The following SDK2 variants were observed in gnomAD, a reference collection of about 807,000 sequenced individuals.
SDK2 encodes protein sidekick-2.
Under a neutral mutation model 253.9 loss-of-function variants are expected in SDK2, and 105 were observed. That is an observed-to-expected ratio of 0.41 (90% confidence interval 0.35 to 0.49). SDK2 has a LOEUF of 0.49. SDK2 is among the 20% of genes least tolerant of loss of function. The pLI is 0.06. For synonymous variants in SDK2, 1,249 were observed against 1,234.9 expected (o/e 1.01, Z -0.24); for missense variants, 2,608 against 3,003.0 (o/e 0.87, Z 3.07).
chr17:73,549,389 A>C (rs904477570), intron 1 of SDK2, among the ~76,000 whole-genome samples: 6 of 152,018 alleles, frequency 3.9e-5, no homozygotes, highest in Non-Finnish European at 8.8e-5. Context: ...CTTGTACCTG[A>C]TTAATTAATT....
At chr17:73,560,732 C>T (rs1055938931) in intron 1 of SDK2, among the ~76,000 whole-genome samples, 1 of 152,200 alleles carries the variant, frequency 6.6e-6, no homozygotes, top group Non-Finnish European at 1.5e-5. Flanking sequence ...CTTCAAAATC[C>T]AAGCACCCGC....
intron 44 of SDK2, among the ~76,000 whole-genome samples, chr17:73,347,561 G>A (rs73343824): frequency 0.014 from 2,208 of 152,304 alleles, 36 homozygotes; most frequent in African/African-American, 0.044. Context: ...GGCCCACAGC[G>A]TGATCCCAGG....
rs931381610 is a variant in SDK2 at position 73,335,748 on chromosome 17, C to T, written c.*2839G>A. 1 of 152,244 alleles carries T rather than the reference C, an allele frequency of 6.6e-6. No individual in the cohort carries two copies. The highest frequency in any genetic ancestry group is 2.4e-5 in the African/African-American group (1 of 41,438). 9.4% of individuals were successfully genotyped at this position (152,244 alleles called of 1,614,324 possible). On this transcript the variant is annotated 3_prime_UTR_variant, in exon 45 of 45. Coordinates refer to ENST00000392650, the MANE Select transcript of SDK2 (RefSeq NM_001144952.2). ...TCAGACAATAGATCCCAGCCACGCC[C>T]CAAGTGCAAGCAACCCAGGCCACCT...
intron 18 of SDK2, among the ~76,000 whole-genome samples, chr17:73,403,829 T>A (rs2063048862): frequency 6.6e-6 from 1 of 152,216 alleles, no homozygotes. Flanking sequence ...ATCCTCCGTA[T>A]TTCGATTATC....
intron 5 of SDK2, among the ~76,000 whole-genome samples, chr17:73,446,884 G>A (rs2063456737): frequency 6.6e-6 from 1 of 152,082 alleles, no homozygotes; most frequent in Non-Finnish European, 1.5e-5. Flanking sequence ...ATGGAGGGAG[G>A]GGCTCGTCCA....
At chr17:73,513,163 AC>A (rs1368577860) in intron 1 of SDK2, among the ~76,000 whole-genome samples, 1 of 152,134 alleles carries the variant, frequency 6.6e-6, no homozygotes, top group African/African-American at 2.4e-5. Flanking sequence ...ACCCTCATAA[AC>A]AAAAAGAAGT....
chr17:73,469,345 G>T (rs564899066), intron 3 of SDK2, among the ~76,000 whole-genome samples: 1 of 152,162 alleles, frequency 6.6e-6, no homozygotes, highest in African/African-American at 2.4e-5. Flanking sequence ...CTTGGAACCC[G>T]CAGTGTGGGG....
At chr17:73,433,553 T>C (rs944345648) in intron 10 of SDK2, among the ~76,000 whole-genome samples, 179 bp downstream of exon 10, 4 of 152,082 alleles carry the variant, frequency 2.6e-5, no homozygotes, top group African/African-American at 9.7e-5. Flanking sequence ...CCTCCCAAGA[T>C]GCTGGGATTA....
chr17:73,627,151 G>A (rs62063637), intron 1 of SDK2, among the ~76,000 whole-genome samples: 1,599 of 152,298 alleles, frequency 0.01, 13 homozygotes, highest in Non-Finnish European at 0.018. Flanking sequence ...GATTCGATGT[G>A]TTAATACATG....
intron 1 of SDK2, among the ~76,000 whole-genome samples, chr17:73,624,028 GGGCCTCCTCAACCTCCA>G (rs533810864): frequency 8.9e-4 from 136 of 152,314 alleles, no homozygotes; most frequent in African/African-American, 3.1e-3. Context: ...TCAGCCTGCT[GGGCCTCCTCAACCTCCA>G]GGCTCCCTCC....
intron 3 of SDK2, among the ~76,000 whole-genome samples, chr17:73,457,106 C>T (rs192856941): frequency 7.9e-5 from 12 of 152,272 alleles, no homozygotes; most frequent in African/African-American, 2.4e-4. Flanking sequence ...GACTGTGTGT[C>T]GGAACCACCT....
rs2063609767 is a variant in SDK2, at chr17:73,467,397, A to G, written c.331+4715T>C. On this transcript the variant is annotated intron_variant, in intron 3 of 44. Transcript: ENST00000392650. The surrounding 1 kb of genome is among the most constrained non-coding windows in gnomAD (Gnocchi z 4.1). ...CACCCGGCCGAGCCTCGGTTTCCTC[A>G]TCTGTAACATGGAGATGGGGACTTG... Among the ~76,000 whole-genome samples, 1 of 152,086 alleles carries G rather than the reference A, an allele frequency of 6.6e-6. No individual in the cohort carries two copies. The highest frequency in any genetic ancestry group is 1.5e-5 in the Non-Finnish European group (1 of 68,016).
At chr17:73,531,081 C>T (rs1046567492) in intron 1 of SDK2, among the ~76,000 whole-genome samples, 2 of 152,126 alleles carry the variant, frequency 1.3e-5, no homozygotes, top group Non-Finnish European at 2.9e-5. Context: ...TTGATGTTTC[C>T]AGCTTTCTGC....
At chr17:73,577,498 G>A (rs2045473116) in intron 1 of SDK2, among the ~76,000 whole-genome samples, 2 of 152,132 alleles carry the variant, frequency 1.3e-5, no homozygotes, top group Admixed American at 6.5e-5. Flanking sequence ...GAGAGTGGAG[G>A]GCAATAGTTC....
At chr17:73,538,651 C>T (rs562775659) in intron 1 of SDK2, among the ~76,000 whole-genome samples, 4 of 152,186 alleles carry the variant, frequency 2.6e-5, no homozygotes, top group Admixed American at 1.3e-4. Context: ...ACTGGGGATT[C>T]GGGGAGGGAA....
intron 1 of SDK2, among the ~76,000 whole-genome samples, chr17:73,593,156 G>T (rs1303652757): frequency 6.6e-6 from 1 of 152,096 alleles, no homozygotes; most frequent in Non-Finnish European, 1.5e-5. Context: ...GACAGGCTGG[G>T]TACCCCACCC....
chr17:73,394,092 C>G, intron 26 of SDK2, 117 bp downstream of exon 26: 1 of 588,116 alleles, frequency 1.7e-6, no homozygotes, highest in Non-Finnish European at 2.7e-6. Flanking sequence ...CCAGGCAGAT[C>G]CCCTGTATCC....
At position 73,388,861 on chromosome 17, in the gene SDK2, CCT is replaced by C. The variant is rs200219197; in HGVS notation, c.4193-826_4193-825del. Among the ~76,000 whole-genome samples, 153 of 102,640 alleles carry C rather than the reference CCT, an allele frequency of 1.5e-3. 8 individuals carry two copies. The East Asian group carries it at 0.027, about 18-fold the overall frequency. The allele number at this position is 102,640 out of a possible 152,430, so 67.3% of individuals were successfully genotyped here. A position where few individuals can be genotyped will look rare whatever the true frequency, so the allele number is the denominator to read the frequency against. ...CCCCCCTCCTTTCCTTTTCTTTCTC[CCT>C]CTCTTTTCTCCCTCCTTCTCTTCCT... On this transcript the variant is annotated intron_variant, in intron 29 of 44. Transcript: ENST00000392650.
In SDK2 at chr17:73,463,901, G is replaced by T. The variant is rs185757515; in HGVS notation, c.332-7848C>A. 3.1e-4 allele frequency among the ~76,000 whole-genome samples: 47 copies of T among 152,220 alleles called. No individual in the cohort carries two copies. The East Asian group carries it at 8.1e-3, about 26-fold the overall frequency. On this transcript the variant is annotated intron_variant, in intron 3 of 44. Transcript: ENST00000392650. ...TAGAAATGGAATTGTGGGTTGTGGG[G>T]TTATACACACATTCATTTTACTAAT...
Sources: allele counts gnomAD v4.1 joint callset (sites outside exome capture counted in the v4.1 genomes callset), GRCh38; gene constraint gnomAD v4.1.1; non-coding constraint Gnocchi (gnomAD v3.1); transcripts MANE v1.5; gene names NCBI Gene and HGNC (gene_info 2026-07-23, HGNC 2026-07-21).